The following ACSBG1 variants were observed in gnomAD, a reference collection of about 807,000 sequenced individuals.
The protein encoded by ACSBG1 is long-chain-fatty-acid--CoA ligase ACSBG1.
A neutral mutation model predicts 80.2 loss-of-function variants in ACSBG1; 39 were observed. The observed-to-expected ratio is 0.49, with a 90% CI of 0.38 to 0.64. The LOEUF is 0.64. Ranked by LOEUF, ACSBG1 falls within the 30% of genes least tolerant of loss-of-function variation. The pLI, the probability that ACSBG1 is intolerant of heterozygous loss-of-function variation, is 0.00. For missense variants in ACSBG1, 828 were observed against 966.4 expected (o/e 0.86, Z 1.90); for synonymous variants, 392 against 379.5 (o/e 1.03, Z -0.38).
intron 2 of ACSBG1, among the ~76,000 whole-genome samples, chr15:78,195,950 C>G (rs1306287566): frequency 6.6e-6 from 1 of 152,188 alleles, no homozygotes; most frequent in East Asian, 1.9e-4. Flanking sequence ...CATGCAGACT[C>G]AGGTTGGCAG....
intron 2 of ACSBG1, among the ~76,000 whole-genome samples, chr15:78,207,270 C>T (rs56308433): frequency 0.065 from 9,884 of 152,204 alleles, 834 homozygotes; most frequent in African/African-American, 0.18. Flanking sequence ...AAACACCCAC[C>T]CCCACAGCTC....
chr15:78,178,481 T>C lies in ACSBG1; in HGVS notation c.1702+133A>G. ...GCCCAGCTAATTTTTCGTGTGTTTT[T>C]AGTAGAGATGGGGTTTCGCTGTGCT... On this transcript the variant is annotated intron_variant, in intron 11 of 13. Coordinates refer to ENST00000258873, the MANE Select transcript of ACSBG1 (RefSeq NM_015162.5). This position sits in a 1 kb window ranked among gnomAD's most constrained non-coding sequence, Gnocchi z 4.3. 2.0e-6 allele frequency: 2 copies of C among 980,564 alleles called. No individual in the cohort carries two copies. Among genetic ancestry groups the C allele is most frequent in the Non-Finnish European group, 2.9e-6 (2 of 689,804 alleles). The allele number at this position is 980,564 out of a possible 1,614,324, so 60.7% of individuals were successfully genotyped here.
chr15:78,231,436 G>A (rs961876261), intron 1 of ACSBG1, among the ~76,000 whole-genome samples: 3 of 151,220 alleles, frequency 2.0e-5, no homozygotes, highest in Non-Finnish European at 2.9e-5. Context: ...CAGCTTTTTT[G>A]TATTTTTTTA....
At chr15:78,233,331 G>A (rs757354206) in intron 1 of ACSBG1, among the ~76,000 whole-genome samples, 2 of 152,174 alleles carry the variant, frequency 1.3e-5, no homozygotes, top group Non-Finnish European at 2.9e-5. Context: ...TCTCTGAGGC[G>A]CATTAACATC....
chr15:78,219,406 CAAAA>C (rs34636353), intron 1 of ACSBG1, among the ~76,000 whole-genome samples: 8 of 119,688 alleles, frequency 6.7e-5, no homozygotes, highest in Non-Finnish European at 1.1e-4. Context: ...GGCTTTGTCT[CAAAA>C]AAAAAAAAAA....
intron 1 of ACSBG1, among the ~76,000 whole-genome samples, chr15:78,212,165 G>A (rs1001375769): frequency 6.6e-6 from 1 of 152,086 alleles, no homozygotes; most frequent in African/African-American, 2.4e-5. Flanking sequence ...CTCAATGAAC[G>A]CTTTCTTGAA....
At chr15:78,224,059 T>C (rs1282223460) in intron 1 of ACSBG1, among the ~76,000 whole-genome samples, 17 of 152,158 alleles carry the variant, frequency 1.1e-4, no homozygotes, top group Admixed American at 1.1e-3. Flanking sequence ...TGAACTTCTG[T>C]CTTCCAGAAC....
intron 5 of ACSBG1, among the ~76,000 whole-genome samples, chr15:78,189,340 T>G (rs1423504076): frequency 5.3e-5 from 8 of 151,614 alleles, no homozygotes; most frequent in Non-Finnish European, 7.4e-5. Flanking sequence ...CAAAGGACTA[T>G]AAATCATACT....
At chr15:78,206,599 TG>T (rs749223495) in intron 2 of ACSBG1, among the ~76,000 whole-genome samples, 11 of 152,022 alleles carry the variant, frequency 7.2e-5, no homozygotes, top group Non-Finnish European at 1.3e-4. Flanking sequence ...ACCCAGGCCC[TG>T]CCTCGCCATT....
At chr15:78,210,646 C>A (rs1306051839) in intron 1 of ACSBG1, among the ~76,000 whole-genome samples, 1 of 152,206 alleles carries the variant, frequency 6.6e-6, no homozygotes, top group East Asian at 1.9e-4. Context: ...CAGGGCCTTG[C>A]TCTGTTACCC....
rs1280634515 is a variant in ACSBG1 at position 78,168,610 on chromosome 15, A to G, written c.*2834T>C. ...TAGATTCGCTTTTATTTAAATATCC[A>G]TGACCAACTAATCTGGGTTAGGGTC... On this transcript the variant is annotated 3_prime_UTR_variant, in exon 14 of 14. Transcript: ENST00000258873. 1 of 213,820 alleles carries G rather than the reference A, an allele frequency of 4.7e-6. No individual in the cohort carries two copies. Among genetic ancestry groups the G allele is most frequent in the Non-Finnish European group, 9.2e-6 (1 of 108,860 alleles). The allele number at this position is 213,820 out of a possible 1,614,324, so 13.2% of individuals were successfully genotyped here. A position where few individuals can be genotyped will look rare whatever the true frequency, so the allele number is the denominator to read the frequency against.
Position 78,172,265 on chromosome 15 carries a change from C to T in ACSBG1, c.2090-736G>A, listed in dbSNP as rs1400520664. ...AAATGTTTACTGCTTTAGGCTGCTA[C>T]ATTTTTGGGGTCATTTGTTACACAG... is the stretch of plus-strand genomic sequence containing the variant. On this transcript the variant is annotated intron_variant, in intron 13 of 13. Coordinates refer to ENST00000258873, the MANE Select transcript of ACSBG1 (RefSeq NM_015162.5). The surrounding 1 kb of genome is among the most constrained non-coding windows in gnomAD (Gnocchi z 4.1). Among the ~76,000 whole-genome samples, 2 of 152,222 alleles carry T rather than the reference C, an allele frequency of 1.3e-5. No homozygotes were observed. The highest frequency in any genetic ancestry group is 2.9e-5 in the Non-Finnish European group (2 of 68,042).
intron 5 of ACSBG1, among the ~76,000 whole-genome samples, chr15:78,190,584 A>G (rs4886562): frequency 6.6e-6 from 1 of 151,250 alleles, no homozygotes; most frequent in South Asian, 2.1e-4. Flanking sequence ...AAAAAAAAAG[A>G]AAAAAGAAAG....
chr15:78,209,631 C>T (rs954091040), intron 1 of ACSBG1, among the ~76,000 whole-genome samples: 1 of 152,142 alleles, frequency 6.6e-6, no homozygotes, highest in Non-Finnish European at 1.5e-5. Context: ...CAGGCAGCGA[C>T]GGCAAACGAG....
intron 1 of ACSBG1, among the ~76,000 whole-genome samples, chr15:78,225,401 CAATAAATAAATA>C (rs148506728): frequency 1.5e-3 from 220 of 143,182 alleles, no homozygotes; most frequent in Non-Finnish European, 2.5e-3. Context: ...AACTCTGTCT[CAATAAATAAATA>C]AATAAATAAA....
Position 78,170,896 on chromosome 15 carries a change from C to G in ACSBG1, c.*548G>C, listed in dbSNP as rs1567075711. Reference sequence around the variant, plus strand: ...ATTCAAATTATACATTAAATAGAATCAAACAGGCAGCAGCAGTTTTATTAA... The same window carrying G: ...ATTCAAATTATACATTAAATAGAATGAAACAGGCAGCAGCAGTTTTATTAA... On this transcript the variant is annotated 3_prime_UTR_variant, in exon 14 of 14. Transcript: ENST00000258873. 6.5e-6 allele frequency: 1 copy of G among 153,218 alleles called. No homozygotes were observed. The highest frequency in any genetic ancestry group is 1.5e-5 in the Non-Finnish European group (1 of 68,484). 9.5% of individuals were successfully genotyped at this position (153,218 alleles called of 1,614,324 possible).
chr15:78,233,456 C>T (rs2075465776), intron 1 of ACSBG1, among the ~76,000 whole-genome samples: 1 of 152,186 alleles, frequency 6.6e-6, no homozygotes, highest in Non-Finnish European at 1.5e-5. Context: ...GACTTGGACC[C>T]TGGTATTTAG....
chr15:78,216,909 G>A (rs2075316174), intron 1 of ACSBG1, among the ~76,000 whole-genome samples: 1 of 152,240 alleles, frequency 6.6e-6, no homozygotes, highest in African/African-American at 2.4e-5. Flanking sequence ...CAAGCAGCCT[G>A]GCCGTACCCA....
chr15:78,180,659 AC>A, intron 9 of ACSBG1, 95 bp downstream of exon 9: 2 of 1,481,912 alleles, frequency 1.3e-6, no homozygotes, highest in Non-Finnish European at 1.8e-6. Flanking sequence ...GGCCACTGGA[AC>A]CGGGACAGGC....
Sources: gnomAD v4.1 joint callset for allele counts (sites outside exome capture counted in the v4.1 genomes callset) on GRCh38, gnomAD v4.1.1 for gene constraint, Gnocchi (gnomAD v3.1) non-coding constraint, MANE v1.5 for transcripts, NCBI Gene and HGNC (gene_info 2026-07-23, HGNC 2026-07-21) for gene names.